The following EPB41L4B variants were observed in gnomAD, a reference collection of about 807,000 sequenced individuals.
EPB41L4B encodes erythrocyte membrane protein band 4.1 like 4B.
EPB41L4B carries 30 observed loss-of-function variants against 112.5 expected under a neutral mutation model. The observed-to-expected ratio is 0.27, with a 90% CI of 0.20 to 0.36. The LOEUF (loss-of-function observed/expected upper bound fraction) is 0.36, where lower values mean the gene tolerates loss of function less well. EPB41L4B is among the 10% of genes least tolerant of loss of function. EPB41L4B has a pLI of 1.00. For missense variants in EPB41L4B, 1,024 were observed against 1,133.3 expected (o/e 0.90, Z 1.38); for synonymous variants, 408 against 439.7 (o/e 0.93, Z 0.90).
intron 1 of EPB41L4B, among the ~76,000 whole-genome samples, chr9:109,308,776 T>C (rs547553379): frequency 2.0e-4 from 30 of 152,266 alleles, no homozygotes; most frequent in African/African-American, 6.7e-4. Flanking sequence ...CTGAAATACA[T>C]GTTTGAAATT....
At chr9:109,236,931 T>A (rs1157847885) in intron 15 of EPB41L4B, among the ~76,000 whole-genome samples, 1 of 152,218 alleles carries the variant, frequency 6.6e-6, no homozygotes, top group Non-Finnish European at 1.5e-5. Context: ...TTTGGAAGAC[T>A]TGGTCAGCCA....
intron 1 of EPB41L4B, among the ~76,000 whole-genome samples, chr9:109,316,515 C>A (rs1385394251): frequency 6.6e-6 from 1 of 152,152 alleles, no homozygotes; most frequent in African/African-American, 2.4e-5. Flanking sequence ...CTAGGGCAGG[C>A]CGAGGGAGGG....
intron 2 of EPB41L4B, among the ~76,000 whole-genome samples, chr9:109,278,249 G>C (rs1355868756): frequency 6.6e-6 from 1 of 152,116 alleles, no homozygotes; most frequent in Non-Finnish European, 1.5e-5. Context: ...GTTCGAGGAG[G>C]ACAGTTTGAG....
intron 1 of EPB41L4B, chr9:109,307,160 A>T: frequency 2.3e-6 from 1 of 427,062 alleles, no homozygotes; most frequent in Middle Eastern, 7.8e-4. Flanking sequence ...AATAAACGAC[A>T]TGTTACAGTA....
intron 13 of EPB41L4B, among the ~76,000 whole-genome samples, chr9:109,249,628 TAAAGA>T (rs551173345): frequency 7.3e-5 from 11 of 150,692 alleles, no homozygotes; most frequent in Non-Finnish European, 1.6e-4. Context: ...GAGAGCAAAG[TAAAGA>T]AATTGGGGCT....
intron 14 of EPB41L4B, among the ~76,000 whole-genome samples, chr9:109,245,974 G>A (rs1834540875): frequency 1.3e-5 from 2 of 152,224 alleles, no homozygotes; most frequent in African/African-American, 4.8e-5. Flanking sequence ...CACAGGCAGT[G>A]CTCAGCTGCT....
At chr9:109,209,292 A>G (rs1212607283) in intron 17 of EPB41L4B, among the ~76,000 whole-genome samples, 1 of 152,048 alleles carries the variant, frequency 6.6e-6, no homozygotes, top group Non-Finnish European at 1.5e-5. Flanking sequence ...AGAACTTTCC[A>G]ATTTTATGTA....
At chr9:109,199,702 C>T (rs1041255094) in intron 20 of EPB41L4B, among the ~76,000 whole-genome samples, 7 of 152,092 alleles carry the variant, frequency 4.6e-5, no homozygotes, top group Admixed American at 3.3e-4. Flanking sequence ...CAGTTCTGTG[C>T]GTAGGTTACA....
intron 1 of EPB41L4B, among the ~76,000 whole-genome samples, chr9:109,306,616 AAAC>A (rs1837206871): frequency 4.1e-5 from 6 of 145,102 alleles, no homozygotes; most frequent in Admixed American, 4.1e-4. Flanking sequence ...AAAAACAAAC[AAAC>A]AAACAAACAA....
At chr9:109,273,694 G>A (rs1403795677) in intron 2 of EPB41L4B, among the ~76,000 whole-genome samples, 1 of 152,264 alleles carries the variant, frequency 6.6e-6, no homozygotes, top group East Asian at 1.9e-4. Flanking sequence ...TCAGAGCACG[G>A]GCACCTGAGC....
intron 1 of EPB41L4B, among the ~76,000 whole-genome samples, chr9:109,313,172 C>T (rs1837482673): frequency 6.6e-6 from 1 of 152,214 alleles, no homozygotes; most frequent in Non-Finnish European, 1.5e-5. Flanking sequence ...TATCTGTTTA[C>T]TCTGTCTGCC....
chr9:109,201,554 C>T (rs934473897), intron 19 of EPB41L4B, among the ~76,000 whole-genome samples: 8 of 152,004 alleles, frequency 5.3e-5, no homozygotes, highest in Admixed American at 1.3e-4. Context: ...CCTCAAGCTG[C>T]GACTCCACAG....
At chr9:109,290,344 G>A (rs1379189665) in intron 1 of EPB41L4B, among the ~76,000 whole-genome samples, 1 of 152,162 alleles carries the variant, frequency 6.6e-6, no homozygotes, top group African/African-American at 2.4e-5. Flanking sequence ...TCTCCCACTT[G>A]TCCACAGGAA....
intron 16 of EPB41L4B, among the ~76,000 whole-genome samples, chr9:109,216,062 G>C (rs938260785): frequency 6.6e-6 from 1 of 152,182 alleles, no homozygotes; most frequent in Non-Finnish European, 1.5e-5. Flanking sequence ...ACACCACTTT[G>C]CTCTCCCAAG....
chr9:109,286,135 G>A (rs1381270376), intron 1 of EPB41L4B, among the ~76,000 whole-genome samples: 1 of 148,406 alleles, frequency 6.7e-6, no homozygotes, highest in African/African-American at 2.5e-5. Flanking sequence ...ACTATTATAT[G>A]CAGGGGAGGG....
At chr9:109,212,136 C>T (rs544012089) in intron 17 of EPB41L4B, among the ~76,000 whole-genome samples, 99 of 152,254 alleles carry the variant, frequency 6.5e-4, no homozygotes, top group African/African-American at 2.3e-3. Flanking sequence ...CTGTTGTCAA[C>T]GCTCCACCAA....
chr9:109,251,724 T>C (rs1369674313), intron 12 of EPB41L4B, among the ~76,000 whole-genome samples: 1 of 152,156 alleles, frequency 6.6e-6, no homozygotes, highest in Non-Finnish European at 1.5e-5. Flanking sequence ...CTCAGCAGGT[T>C]CCCAGGGCTG....
intron 1 of EPB41L4B, among the ~76,000 whole-genome samples, chr9:109,288,531 T>A (rs988404996): frequency 6.6e-6 from 1 of 151,804 alleles, no homozygotes; most frequent in Non-Finnish European, 1.5e-5. Flanking sequence ...CCATCCTGGC[T>A]AACACGGTGA....
chr9:109,281,620 A>G (rs1333581064), intron 1 of EPB41L4B, among the ~76,000 whole-genome samples: 1 of 152,110 alleles, frequency 6.6e-6, no homozygotes, highest in African/African-American at 2.4e-5. Context: ...GGGAGGTGGA[A>G]GTTGCAGCGA....
Sources: allele counts gnomAD v4.1 joint callset (sites outside exome capture counted in the v4.1 genomes callset), GRCh38; gene constraint gnomAD v4.1.1; transcripts MANE v1.5; gene names NCBI Gene and HGNC (gene_info 2026-07-23, HGNC 2026-07-21).